The following TASP1 variants were observed in gnomAD, a reference collection of about 807,000 sequenced individuals.
The protein encoded by TASP1 is threonine aspartase 1.
In TASP1, 16 loss-of-function variants were observed where a neutral mutation model predicts 56.6. The ratio of observed to expected loss-of-function variants is 0.28; its 90% CI spans 0.19 to 0.43. TASP1 has a LOEUF of 0.43. TASP1 is among the 20% of genes least tolerant of loss of function. The pLI is 1.00. For missense variants in TASP1, 393 were observed against 511.6 expected, an observed-to-expected ratio of 0.77 and a Z score of 2.24; for synonymous variants, 179 against 184.2, an observed-to-expected ratio of 0.97 and a Z score of 0.23.
the TASP1 span, among the ~76,000 whole-genome samples, chr20:13,289,068 G>A: frequency 6.6e-6 from 1 of 152,252 alleles, no homozygotes; most frequent in African/African-American, 2.4e-5. Context: ...TTACAGGCAT[G>A]AGGCAAGATG....
chr20:13,105,163 C>G, the TASP1 span, among the ~76,000 whole-genome samples: 1 of 152,118 alleles, frequency 6.6e-6, no homozygotes, highest in Non-Finnish European at 1.5e-5. Context: ...GAGGAACATG[C>G]CAGGGGCTAA....
intron 1 of TASP1, among the ~76,000 whole-genome samples, chr20:13,633,095 G>C (rs547474178): frequency 6.6e-6 from 1 of 152,170 alleles, no homozygotes; most frequent in South Asian, 2.1e-4. Context: ...TCAAAATTAA[G>C]ATATAGCCCG....
chr20:13,366,446 T>C, the TASP1 span, among the ~76,000 whole-genome samples: 2 of 152,232 alleles, frequency 1.3e-5, no homozygotes, highest in African/African-American at 2.4e-5. Context: ...AACCTTCTAC[T>C]GCTTCCTACT....
At chr20:13,522,063 T>A (rs1410354513) in intron 10 of TASP1, among the ~76,000 whole-genome samples, 1 of 151,810 alleles carries the variant, frequency 6.6e-6, no homozygotes, top group Admixed American at 6.6e-5. Context: ...ATGGCGGGAG[T>A]GTGCGTGGCA....
intron 12 of TASP1, among the ~76,000 whole-genome samples, chr20:13,423,325 C>G (rs898055351): frequency 2.0e-5 from 3 of 152,158 alleles, no homozygotes; most frequent in Non-Finnish European, 4.4e-5. Flanking sequence ...TTACTACACA[C>G]ATCTATTTAT....
the TASP1 span, among the ~76,000 whole-genome samples, chr20:13,282,692 G>A: frequency 6.6e-6 from 1 of 152,182 alleles, no homozygotes; most frequent in Non-Finnish European, 1.5e-5. Flanking sequence ...TGGACATCGG[G>A]ATTGCTACTT....
At chr20:13,576,373 G>GAAAGAA (rs1601312919) in intron 6 of TASP1, among the ~76,000 whole-genome samples, 1 of 72,002 alleles carries the variant, frequency 1.4e-5, no homozygotes, top group Non-Finnish European at 3.6e-5. Context: ...AAGAAAGAAA[G>GAAAGAA]AAAGAAAGAA....
At chr20:13,476,766 C>T (rs566097386) in intron 11 of TASP1, among the ~76,000 whole-genome samples, 7 of 152,000 alleles carry the variant, frequency 4.6e-5, no homozygotes, top group Non-Finnish European at 1.0e-4. Flanking sequence ...AAGAGATACG[C>T]TTAATTTATA....
At chr20:13,137,826 C>A in the TASP1 span, among the ~76,000 whole-genome samples, 1 of 152,180 alleles carries the variant, frequency 6.6e-6, no homozygotes, top group Non-Finnish European at 1.5e-5. Context: ...AACAGCTAAT[C>A]CTCTCATATT....
At chr20:13,569,471 C>T (rs754219514) in intron 7 of TASP1, 36 bp downstream of exon 7, 7 of 1,535,924 alleles carry the variant, frequency 4.6e-6, no homozygotes, top group Admixed American at 1.7e-5. Context: ...GGTATATATG[C>T]TCATATAGCT....
the TASP1 span, among the ~76,000 whole-genome samples, chr20:13,362,600 G>A: frequency 3.3e-5 from 5 of 151,174 alleles, no homozygotes; most frequent in South Asian, 2.1e-4. Context: ...CTCTCTTTTC[G>A]GACTCAGCCT....
chr20:13,398,238 T>C (rs1226424571), intron 13 of TASP1, among the ~76,000 whole-genome samples: 1 of 151,980 alleles, frequency 6.6e-6, no homozygotes, highest in African/African-American at 2.4e-5. Context: ...TGAAGAAAGT[T>C]CTCTTTGTCA....
At chr20:13,268,705 G>A in the TASP1 span, among the ~76,000 whole-genome samples, 1 of 152,152 alleles carries the variant, frequency 6.6e-6, no homozygotes, top group African/African-American at 2.4e-5. Flanking sequence ...GGCGGTCTCT[G>A]AACCAGTGAG....
At chr20:13,182,345 T>A in the TASP1 span, among the ~76,000 whole-genome samples, 2 of 152,250 alleles carry the variant, frequency 1.3e-5, no homozygotes, top group Non-Finnish European at 2.9e-5. Context: ...TTTCATTATC[T>A]GCTCTCATAT....
At chr20:13,113,342 T>C in the TASP1 span, among the ~76,000 whole-genome samples, 12 of 152,136 alleles carry the variant, frequency 7.9e-5, no homozygotes, top group Non-Finnish European at 1.6e-4. Flanking sequence ...AATTTTAACT[T>C]CCAGATTTTT....
the TASP1 span, among the ~76,000 whole-genome samples, chr20:13,364,408 G>A: frequency 6.6e-6 from 1 of 152,182 alleles, no homozygotes; most frequent in East Asian, 1.9e-4. Flanking sequence ...GGAAGGGGAG[G>A]TAATTCCTTA....
intron 4 of TASP1, among the ~76,000 whole-genome samples, chr20:13,589,445 T>C (rs567230568): frequency 6.6e-6 from 1 of 152,098 alleles, no homozygotes; most frequent in African/African-American, 2.4e-5. Context: ...TCTCACACCA[T>C]GTATAAAAAT....
the TASP1 span, among the ~76,000 whole-genome samples, chr20:13,311,533 A>G: frequency 2.0e-5 from 3 of 152,340 alleles, no homozygotes; most frequent in East Asian, 3.9e-4. Flanking sequence ...TGAAATCAAC[A>G]TAAGTGTTCA....
At chr20:13,120,774 T>C in the TASP1 span, among the ~76,000 whole-genome samples, 4 of 152,196 alleles carry the variant, frequency 2.6e-5, no homozygotes, top group Non-Finnish European at 4.4e-5. Flanking sequence ...TCCTACAAAT[T>C]CCCCTCTGCT....
Sources: allele counts gnomAD v4.1 joint callset (sites outside exome capture counted in the v4.1 genomes callset), GRCh38; gene constraint gnomAD v4.1.1; transcripts MANE v1.5; gene names NCBI Gene and HGNC (gene_info 2026-07-23, HGNC 2026-07-21).